The following PTPRB variants were observed in gnomAD, a reference collection of about 807,000 sequenced individuals.
PTPRB encodes protein tyrosine phosphatase receptor type B, also known as receptor-type tyrosine-protein phosphatase beta.
In PTPRB, 97 loss-of-function variants were observed where a neutral mutation model predicts 238.1. That is an observed-to-expected ratio of 0.41 (90% CI 0.35 to 0.48). PTPRB has a LOEUF of 0.48. Ranked by LOEUF, PTPRB falls within the 20% of genes least tolerant of loss-of-function variation. The pLI is 0.30. For missense variants in PTPRB, 2,292 were observed against 2,681.9 expected (o/e 0.85, Z 3.21); for synonymous variants, 970 against 995.4 (o/e 0.97, Z 0.48).
chr12:70,607,692 A>G (rs1170884364), intron 4 of PTPRB, among the ~76,000 whole-genome samples: 1 of 151,118 alleles, frequency 6.6e-6, no homozygotes, highest in Non-Finnish European at 1.5e-5. Context: ...GCCCGCCACC[A>G]CACCAGGCGA....
chr12:70,525,403 G>C (rs915840279), intron 32 of PTPRB: 2 of 152,166 alleles, frequency 1.3e-5, no homozygotes, highest in African/African-American at 4.8e-5. Context: ...AGCCCCGCTG[G>C]ACTGTTAGTT....
rs1025849691 is a variant in PTPRB, at chr12:70,533,243, A to AT, written c.6369-1074dup. 7.9e-5 allele frequency among the ~76,000 whole-genome samples: 12 copies of AT among 152,138 alleles called. 1 individual carries two copies. The highest frequency in any genetic ancestry group is 2.4e-4 in the African/African-American group (10 of 41,504). ...GTGGTCCTGGACAAAAATGCCTGCC[A>AT]TTTTTCAAAAAGCAGAAAGCTCTGA... On this transcript the variant is annotated intron_variant, in intron 31 of 33. Transcript: ENST00000334414.
At chr12:70,552,510 T>C (rs1273821794) in intron 21 of PTPRB, among the ~76,000 whole-genome samples, 1 of 147,604 alleles carries the variant, frequency 6.8e-6, no homozygotes, top group Non-Finnish European at 1.5e-5. Flanking sequence ...ATAATGAAAG[T>C]TGTAGAAGAA....
intron 3 of PTPRB, among the ~76,000 whole-genome samples, chr12:70,617,251 G>T (rs1361233747): frequency 1.3e-5 from 2 of 152,166 alleles, no homozygotes; most frequent in Admixed American, 1.3e-4. Flanking sequence ...TATGCTATTG[G>T]CACATGGTAG....
At chr12:70,626,302 T>C (rs1292592876) in intron 2 of PTPRB, among the ~76,000 whole-genome samples, 1 of 68,074 alleles carries the variant, frequency 1.5e-5, no homozygotes, top group Non-Finnish European at 3.0e-5. Flanking sequence ...CATCCATCTA[T>C]CTATCTATCT....
chr12:70,590,380 A>G (rs759514645), intron 7 of PTPRB, 147 bp from the exon 8 acceptor site: 22 of 772,492 alleles, frequency 2.8e-5, no homozygotes, highest in Non-Finnish European at 3.9e-5. Context: ...TGGATTGCAA[A>G]TGAGTGTTCT....
At chr12:70,528,890 TTTG>T (rs1343861172) in intron 32 of PTPRB, among the ~76,000 whole-genome samples, 2 of 136,938 alleles carry the variant, frequency 1.5e-5, no homozygotes, top group African/African-American at 3.2e-5. Context: ...GAGGAAGGTT[TTTG>T]TTGTTGTTTT....
intron 14 of PTPRB, among the ~76,000 whole-genome samples, chr12:70,567,217 C>T (rs1010269422): frequency 2.6e-5 from 4 of 152,108 alleles, no homozygotes; most frequent in Non-Finnish European, 5.9e-5. Flanking sequence ...ATTTTCTGTA[C>T]TAGGTTCATT....
chr12:70,587,377 T>C, intron 8 of PTPRB, 110 bp from the exon 9 acceptor site: 2 of 1,255,668 alleles, frequency 1.6e-6, no homozygotes, highest in Non-Finnish European at 2.2e-6. Context: ...GTTCAACATT[T>C]ATTTTATGAA....
intron 32 of PTPRB, among the ~76,000 whole-genome samples, chr12:70,527,939 A>C (rs185073096): frequency 6.6e-6 from 1 of 152,332 alleles, no homozygotes; most frequent in East Asian, 1.9e-4. Context: ...GCAGAGGCTT[A>C]AAGCAAGGCA....
intron 15 of PTPRB, among the ~76,000 whole-genome samples, chr12:70,564,412 G>A (rs924376513): frequency 1.3e-5 from 2 of 151,792 alleles, no homozygotes; most frequent in Non-Finnish European, 2.9e-5. Flanking sequence ...GTATGCACTC[G>A]GGAGGCTGAG....
intron 20 of PTPRB, 96 bp from the exon 21 acceptor site, chr12:70,553,116 A>C (rs1158197035): frequency 7.2e-7 from 1 of 1,391,146 alleles, no homozygotes; most frequent in African/African-American, 1.4e-5. Flanking sequence ...CTCCACATCC[A>C]CTATCTCTGG....
At chr12:70,547,147 G>A (rs1313265023) in intron 21 of PTPRB, among the ~76,000 whole-genome samples, 1 of 152,016 alleles carries the variant, frequency 6.6e-6, no homozygotes, top group African/African-American at 2.4e-5. Flanking sequence ...TCTGACTTAT[G>A]CCCAGATCCG....
At chr12:70,604,542 C>T (rs1883785093) in intron 4 of PTPRB, among the ~76,000 whole-genome samples, 2 of 152,130 alleles carry the variant, frequency 1.3e-5, no homozygotes, top group South Asian at 4.1e-4. Context: ...GTTTTCATAA[C>T]CAGCTCTGCA....
At chr12:70,627,604 G>A (rs1885264116) in intron 2 of PTPRB, among the ~76,000 whole-genome samples, 1 of 152,038 alleles carries the variant, frequency 6.6e-6, no homozygotes, top group Admixed American at 6.6e-5. Context: ...ATAGCCCTGT[G>A]TGTGCCCTGA....
intron 21 of PTPRB, among the ~76,000 whole-genome samples, chr12:70,547,713 C>T (rs112666968): frequency 0.14 from 21,305 of 151,756 alleles, 1,997 homozygotes; most frequent in Non-Finnish European, 0.22. Context: ...TGCCATGTTG[C>T]CCAGGCTAGT....
intron 16 of PTPRB, among the ~76,000 whole-genome samples, chr12:70,562,130 A>G (rs773930113): frequency 1.3e-5 from 2 of 152,118 alleles, no homozygotes; most frequent in African/African-American, 2.4e-5. Flanking sequence ...TTAAAAAGTT[A>G]AAAGTTTGCC....
intron 3 of PTPRB, among the ~76,000 whole-genome samples, chr12:70,610,076 CT>C (rs1463244444): frequency 2.6e-5 from 4 of 152,136 alleles, no homozygotes; most frequent in Non-Finnish European, 4.4e-5. Context: ...CTGACCCGCG[CT>C]GCCTCGCCCC....
chr12:70,624,845 T>G (rs530634784), intron 2 of PTPRB, among the ~76,000 whole-genome samples: 1 of 152,194 alleles, frequency 6.6e-6, no homozygotes. Flanking sequence ...GAGCTGTTGG[T>G]AAGTTTCTAT....
Sources: gnomAD v4.1 joint callset for allele counts (sites outside exome capture counted in the v4.1 genomes callset) on GRCh38, gnomAD v4.1.1 for gene constraint, MANE v1.5 for transcripts, NCBI Gene and HGNC (gene_info 2026-07-23, HGNC 2026-07-21) for gene names.